MALRD1: variants seen among roughly 807,000 people sequenced by gnomAD.
The protein encoded by MALRD1 is MAM and LDL receptor class A domain containing 1.
Under a neutral mutation model 242.1 loss-of-function variants are expected in MALRD1, and 247 were observed. That is an observed-to-expected ratio of 1.02 (90% CI 0.92 to 1.13). The LOEUF (loss-of-function observed/expected upper bound fraction) is 1.13, where lower values mean the gene tolerates loss of function less well. Among genes scored for constraint, MALRD1 ranks in the 50% most tolerant of loss-of-function variants. The probability of loss-of-function intolerance (pLI) is 0.00; values close to 1 mark genes in which losing one functional copy is unlikely to be tolerated. For missense variants in MALRD1, 2,989 were observed against 2,533.1 expected (o/e 1.18, Z -3.86); for synonymous variants, 995 against 866.6 (o/e 1.15, Z -2.60).
intron 21 of MALRD1, among the ~76,000 whole-genome samples, chr10:19,302,326 C>T (rs1455981754): frequency 6.6e-6 from 1 of 151,710 alleles, no homozygotes; most frequent in Non-Finnish European, 1.5e-5. Context: ...CACAAAAAAC[C>T]TTATACATGA....
chr10:19,289,945 A>T (rs1459500406), intron 21 of MALRD1, among the ~76,000 whole-genome samples: 5 of 152,138 alleles, frequency 3.3e-5, no homozygotes, highest in Non-Finnish European at 7.4e-5. Context: ...TAAAGTAAGG[A>T]TTATTTATAA....
intron 33 of MALRD1, among the ~76,000 whole-genome samples, chr10:19,587,247 C>T (rs745329288): frequency 1.6e-4 from 24 of 152,192 alleles, no homozygotes; most frequent in Admixed American, 3.3e-4. Flanking sequence ...ATCTTGGCTC[C>T]TCCCCTCTTT....
chr10:19,490,195 CAGTT>C (rs1225744117), intron 29 of MALRD1, among the ~76,000 whole-genome samples: 2 of 151,988 alleles, frequency 1.3e-5, no homozygotes, highest in African/African-American at 2.4e-5. Context: ...AATACAATGT[CAGTT>C]ATGAAAGAAA....
intron 26 of MALRD1, among the ~76,000 whole-genome samples, chr10:19,385,678 A>G (rs1356849638): frequency 1.3e-5 from 2 of 152,064 alleles, no homozygotes; most frequent in African/African-American, 4.8e-5. Context: ...TTTTCAAAAA[A>G]TGAACCATGT....
chr10:19,640,232 G>C (rs12264707), intron 36 of MALRD1, among the ~76,000 whole-genome samples: 1 of 152,238 alleles, frequency 6.6e-6, no homozygotes, highest in Middle Eastern at 3.4e-3. Context: ...AGGGATTACA[G>C]GTGTGCACCA....
chr10:19,087,976 T>A (rs953645641), intron 3 of MALRD1, 42 bp downstream of exon 3: 12 of 1,232,548 alleles, frequency 9.7e-6, no homozygotes, highest in Non-Finnish European at 4.1e-6. Context: ...TTGTCACATT[T>A]GGGGACTTCT....
chr10:19,617,448 T>C (rs965306379), intron 36 of MALRD1, among the ~76,000 whole-genome samples: 4 of 152,000 alleles, frequency 2.6e-5, no homozygotes, highest in African/African-American at 9.7e-5. Flanking sequence ...TGCAAACAAA[T>C]GTTGGAATTA....
intron 32 of MALRD1, among the ~76,000 whole-genome samples, chr10:19,553,073 T>C (rs1343995450): frequency 6.6e-6 from 1 of 152,156 alleles, no homozygotes; most frequent in Admixed American, 6.6e-5. Context: ...GAAATGAATG[T>C]TTAAAAGTCC....
intron 19 of MALRD1, among the ~76,000 whole-genome samples, chr10:19,268,792 A>G (rs1267527550): frequency 6.6e-6 from 1 of 152,210 alleles, no homozygotes; most frequent in African/African-American, 2.4e-5. Context: ...AATCTATTTT[A>G]CCAGAGAGAA....
intron 18 of MALRD1, among the ~76,000 whole-genome samples, chr10:19,216,399 G>C (rs1588710283): frequency 1.3e-5 from 2 of 151,882 alleles, no homozygotes; most frequent in African/African-American, 4.8e-5. Flanking sequence ...TAAGGCATGA[G>C]CCACTATACC....
intron 35 of MALRD1, among the ~76,000 whole-genome samples, chr10:19,614,959 T>G (rs1405270132): frequency 6.6e-6 from 1 of 152,088 alleles, no homozygotes; most frequent in African/African-American, 2.4e-5. Context: ...AAATATGTCA[T>G]GCAGACACAT....
At chr10:19,650,408 G>C (rs185579480) in intron 36 of MALRD1, among the ~76,000 whole-genome samples, 20 of 152,222 alleles carry the variant, frequency 1.3e-4, no homozygotes, top group Non-Finnish European at 2.4e-4. Context: ...AAATGGAAAC[G>C]TGCATCTATA....
At chr10:19,481,429 G>T (rs536599275) in intron 29 of MALRD1, among the ~76,000 whole-genome samples, 93 of 152,202 alleles carry the variant, frequency 6.1e-4, no homozygotes, top group African/African-American at 2.1e-3. Flanking sequence ...GAAAATACTG[G>T]TCATGTAATA....
intron 28 of MALRD1, among the ~76,000 whole-genome samples, chr10:19,407,103 A>G (rs1477630415): frequency 6.6e-6 from 1 of 152,100 alleles, no homozygotes; most frequent in African/African-American, 2.4e-5. Flanking sequence ...TCTGGCTTCT[A>G]TGAGCATGGA....
At position 19,165,697 on chromosome 10, in the gene MALRD1, CT is replaced by C; in HGVS notation, c.1718del (p.Leu573GlnfsTer11). ...TCTCTCAGTTTTTACAAGAACGTCT[CT>C]AGATGGAAACTTGCAAAAGCAGGGC... ...SNLSVFTRTS[L>X]DGNLQKQGKI... On this transcript the variant is annotated frameshift_variant, in exon 13 of 40. Coordinates refer to ENST00000454679, the MANE Select transcript of MALRD1 (RefSeq NM_001142308.3). LOFTEE classifies it high-confidence loss of function. 4.9e-6 allele frequency: 6 copies of C among 1,231,616 alleles called. No homozygotes were observed. The highest frequency in any genetic ancestry group is 5.1e-6 in the Non-Finnish European group (5 of 987,946). The allele number at this position is 1,231,616 out of a possible 1,614,324, so 76.3% of individuals were successfully genotyped here. A position where few individuals can be genotyped will look rare whatever the true frequency, so the allele number is the denominator to read the frequency against.
At chr10:19,379,952 C>T (rs11009666) in intron 26 of MALRD1, among the ~76,000 whole-genome samples, 34,398 of 150,676 alleles carry the variant, frequency 0.23, 4,134 homozygotes, top group East Asian at 0.31. Flanking sequence ...TGGATAAACA[C>T]TGAAGTTTTA....
At chr10:19,238,513 GTATATTATATA>G (rs1838569193) in intron 18 of MALRD1, among the ~76,000 whole-genome samples, 1 of 33,024 alleles carries the variant, frequency 3.0e-5, no homozygotes, top group Non-Finnish European at 4.5e-5. Flanking sequence ...AATATATAAT[GTATATTATATA>G]TAATATACAT....
chr10:19,565,024 T>C (rs1381894019), intron 32 of MALRD1, among the ~76,000 whole-genome samples: 5 of 152,178 alleles, frequency 3.3e-5, no homozygotes, highest in Non-Finnish European at 7.4e-5. Flanking sequence ...CAACTTAATA[T>C]ACTGGAGGTA....
intron 14 of MALRD1, among the ~76,000 whole-genome samples, chr10:19,187,003 G>T (rs1250098749): frequency 1.3e-5 from 2 of 152,128 alleles, no homozygotes; most frequent in Non-Finnish European, 2.9e-5. Flanking sequence ...AATGTACACT[G>T]CTTCTGATGT....
Sources: gnomAD v4.1 joint callset for allele counts (sites outside exome capture counted in the v4.1 genomes callset) on GRCh38, gnomAD v4.1.1 for gene constraint, MANE v1.5 for transcripts, NCBI Gene and HGNC (gene_info 2026-07-23, HGNC 2026-07-21) for gene names.